POLR3D: variants seen among roughly 807,000 people sequenced by gnomAD.
The protein encoded by POLR3D is RNA polymerase III subunit D, also known as DNA-directed RNA polymerase III subunit RPC4.
Under a neutral mutation model 44.5 loss-of-function variants are expected in POLR3D, and 42 were observed. That is an observed-to-expected ratio of 0.94 (90% CI 0.74 to 1.22). The LOEUF (loss-of-function observed/expected upper bound fraction) is 1.22. POLR3D is among the 50% of genes most tolerant of loss of function. The pLI, the probability that POLR3D is intolerant of heterozygous loss-of-function variation, is 0.00. For synonymous variants in POLR3D, 217 were observed against 198.1 expected, an observed-to-expected ratio of 1.10 and a Z score of -0.80; for missense variants, 507 against 505.2, an observed-to-expected ratio of 1.00 and a Z score of -0.03.
Position 22,250,928 on chromosome 8 carries a change from G to C in POLR3D, c.*410G>C, listed in dbSNP as rs1425217299. 12 of 224,954 alleles carry C rather than the reference G, an allele frequency of 5.3e-5. No homozygotes were observed. Among genetic ancestry groups the C allele is most frequent in the Non-Finnish European group, 9.2e-5 (10 of 109,110 alleles). The allele number at this position is 224,954 out of a possible 1,614,324, so 13.9% of individuals were successfully genotyped here. On this transcript the variant is annotated 3_prime_UTR_variant, in exon 9 of 9. Transcript: ENST00000306433. Reference sequence around the variant, plus strand: ...CCCCCGTCCTCCTGGAGGCAGTATAGGAGAGAGAGCAAGGATTGAGTCTGA... The same window carrying C: ...CCCCCGTCCTCCTGGAGGCAGTATACGAGAGAGAGCAAGGATTGAGTCTGA...
In POLR3D at chr8:22,250,650, C is replaced by G. The variant is rs1830097583; in HGVS notation, c.*132C>G. ...ACTCCAGCCTTTGGCAACCATTGTT[C>G]CAGGTCCCCCAGGGCTTCCTCCCAC... On this transcript the variant is annotated 3_prime_UTR_variant, in exon 9 of 9. Coordinates refer to ENST00000306433, the MANE Select transcript of POLR3D (RefSeq NM_001722.3). 2 of 1,076,218 alleles carry G rather than the reference C, an allele frequency of 1.9e-6. No individual in the cohort carries two copies. The highest frequency in any genetic ancestry group is 1.5e-5 in the African/African-American group (1 of 64,692). The allele number at this position is 1,076,218 out of a possible 1,614,324, so 66.7% of individuals were successfully genotyped here.
intron 2 of POLR3D, 41 bp downstream of exon 2, chr8:22,245,655 A>G (rs1379693117): frequency 1.6e-6 from 2 of 1,222,090 alleles, no homozygotes; most frequent in African/African-American, 3.1e-5. Context: ...AACTACCTTG[A>G]ATTCCAAGCC....
In POLR3D at chr8:22,248,157, A is replaced by C; in HGVS notation, c.365A>C (p.Asn122Thr). 6.2e-7 allele frequency: 1 copy of C among 1,614,102 alleles called. No individual in the cohort carries two copies. The highest frequency in any genetic ancestry group is 8.5e-7 in the Non-Finnish European group (1 of 1,179,990). The change falls in exon 5 of 9, where the codon AAC becomes ACC. Residue 122 changes from asparagine (N) to threonine (T), a missense_variant. Physicochemically the swap from Asn to Thr is moderately conservative, Grantham distance 65. Coordinates refer to ENST00000306433, the MANE Select transcript of POLR3D (RefSeq NM_001722.3). ...TGACCTGGGTGATTTCCCACAGGGA[A>C]CTGGGATAAGACAGTGGATGTGTCA... Reference protein sequence around the residue: ...GPAEMMKKKGNWDKTVDVSDM... With the variant: ...GPAEMMKKKGTWDKTVDVSDM...
chr8:22,245,366 C>G (rs1407857494), intron 1 of POLR3D, 79 bp from the exon 2 acceptor site: 1 of 1,131,076 alleles, frequency 8.8e-7, no homozygotes, highest in Non-Finnish European at 1.1e-6. Context: ...ACTGGGGGAC[C>G]GGAAAGCAAG....
chr8:22,246,055 G>A lies in POLR3D; in HGVS notation c.165+441G>A, dbSNP rs116712236. Among the ~76,000 whole-genome samples the A allele has an allele frequency of 4.8e-3, 728 of 152,332 alleles. 3 individuals carry two copies. The highest frequency in any genetic ancestry group is 0.017 in the African/African-American group (694 of 41,554). On this transcript the variant is annotated intron_variant, in intron 2 of 8. Transcript: ENST00000306433. ...TCTGTGGCCTCTCCCATGTGTATAT[G>A]ACTGTGGATGTCAAGAGTAGCCCAG...
chr8:22,249,343 C>T (rs1355371685), intron 7 of POLR3D, 34 bp downstream of exon 7: 5 of 1,603,926 alleles, frequency 3.1e-6, no homozygotes, highest in South Asian at 1.1e-5. Flanking sequence ...GGAATCAAGT[C>T]GGGGACTGGG....
At chr8:22,247,125 T>C in intron 2 of POLR3D, 96 bp from the exon 3 acceptor site, 1 of 840,378 alleles carries the variant, frequency 1.2e-6, no homozygotes, top group South Asian at 1.5e-5. Flanking sequence ...CGTGGTGGCC[T>C]TGGTCTGTAG....
chr8:22,246,439 G>A (rs4598250), intron 2 of POLR3D, among the ~76,000 whole-genome samples: 98,223 of 151,250 alleles, frequency 0.65, 33,651 homozygotes, highest in East Asian at 0.87. Context: ...CGAATAAAGC[G>A]GTTTTTTGGT....
In POLR3D at chr8:22,253,672, T is replaced by TTTGTA. The variant is rs1284017201; in HGVS notation, c.*3158_*3159insATTGT. On this transcript the variant is annotated 3_prime_UTR_variant, in exon 9 of 9. Transcript: ENST00000306433. Reference sequence around the variant, plus strand: ...TCAGCAGGTACATGAGCATGTTAGTTTTGTTTTGTTTTGTTTTGTTCTGTT... The same window carrying TTTGTA: ...TCAGCAGGTACATGAGCATGTTAGTTTTGTATTGTTTTGTTTTGTTTTGTTCTGTT... 6.6e-6 allele frequency: 1 copy of TTTGTA among 152,068 alleles called. No individual in the cohort carries two copies. The highest frequency in any genetic ancestry group is 1.5e-5 in the Non-Finnish European group (1 of 68,004). 9.4% of individuals were successfully genotyped at this position (152,068 alleles called of 1,614,324 possible).
rs1830078066 is a variant in POLR3D at position 22,249,452 on chromosome 8, G to A, written c.921+143G>A. On this transcript the variant is annotated intron_variant, in intron 7 of 8. Transcript: ENST00000306433. ...ATTCTTGACGCCTGCAAGAGCCATG[G>A]GGCTTTGTACCTCCAACCCCAATTG... is the stretch of plus-strand genomic sequence containing the variant. The A allele has an allele frequency of 2.1e-5, 17 of 818,990 alleles. No homozygotes were observed. In the South Asian group the frequency reaches 2.9e-4, roughly 14 times the overall value. The allele number at this position is 818,990 out of a possible 1,614,324, so 50.7% of individuals were successfully genotyped here.
intron 1 of POLR3D, 130 bp from the exon 2 acceptor site, chr8:22,245,315 T>G: frequency 1.6e-6 from 1 of 606,458 alleles, no homozygotes; most frequent in Non-Finnish European, 2.6e-6. Flanking sequence ...TCTCGCCACG[T>G]GGGAGGGGAG....
At position 22,250,383 on chromosome 8, in the gene POLR3D, T is replaced by C. The variant is rs1309020250; in HGVS notation, c.1075-13T>C. ...TGGTGGTGGTTCTCATCACTGTCTCTGTTAATTGGCAGGAGCTGGTGTCCG... is the reference window on the plus strand; with the variant it reads ...TGGTGGTGGTTCTCATCACTGTCTCCGTTAATTGGCAGGAGCTGGTGTCCG... On this transcript the variant is annotated splice_polypyrimidine_tract_variant and intron_variant, in intron 8 of 8. Coordinates refer to ENST00000306433, the MANE Select transcript of POLR3D (RefSeq NM_001722.3). 6.2e-7 allele frequency: 1 copy of C among 1,614,130 alleles called. No homozygotes were observed. Among genetic ancestry groups the C allele is most frequent in the South Asian group, 1.1e-5 (1 of 91,084 alleles).
Position 22,250,434 on chromosome 8 carries a change from G to A in POLR3D, c.1113G>A (p.Gly371=). 1 of 1,614,128 alleles carries A rather than the reference G, an allele frequency of 6.2e-7. No individual in the cohort carries two copies. The highest frequency in any genetic ancestry group is 8.5e-7 in the Non-Finnish European group (1 of 1,179,968). The change falls in exon 9 of 9, where the codon GGG becomes GGA. Residue 371 remains glycine, a synonymous_variant. Transcript: ENST00000306433. The stretch of plus-strand genomic sequence containing the variant: ...TGGGCCTTGGAGACAGTAGGACAGG[G>A]GAGATGACAGTCCTGGGACACGTGA... The part of the protein sequence containing the change: ...VSVGLGDSRT[G]EMTVLGHVKH...
rs368318403 is a variant in POLR3D at position 22,248,027 on chromosome 8, T to G, written c.361+19T>G. ...AAAAAAGGTATAAGGAAGGAATCAG[T>G]GAATTTCAGTTCAGACTGCCCCAGA... On this transcript the variant is annotated intron_variant, in intron 4 of 8. Coordinates refer to ENST00000306433, the MANE Select transcript of POLR3D (RefSeq NM_001722.3). The G allele has an allele frequency of 2.9e-5, 47 of 1,610,822 alleles. No homozygotes were observed. Among genetic ancestry groups the G allele is most frequent in the Non-Finnish European group, 3.7e-5 (44 of 1,177,694 alleles).
chr8:22,245,689 T>C (rs1321430425), intron 2 of POLR3D, 75 bp downstream of exon 2: 1 of 1,049,192 alleles, frequency 9.5e-7, no homozygotes. Flanking sequence ...AATGTTTGTG[T>C]AGGACCTACT....
In POLR3D at chr8:22,248,584, A is replaced by T. The variant is rs139364694; in HGVS notation, c.590A>T (p.Asp197Val). 3.1e-6 allele frequency: 5 copies of T among 1,614,132 alleles called. No homozygotes were observed. Among genetic ancestry groups the T allele is most frequent in the Non-Finnish European group, 3.4e-6 (4 of 1,180,030 alleles). The change falls in exon 6 of 9, where the codon GAT (aspartate) becomes GTT (valine). Residue 197 changes from aspartate (D) to valine (V), a missense_variant. Coordinates refer to ENST00000306433, the MANE Select transcript of POLR3D (RefSeq NM_001722.3). ...WLFKEENDEP[D>V]VKPWLAGPKE... The stretch of plus-strand genomic sequence containing the variant: ...TTTAAGGAAGAAAATGACGAACCAG[A>T]TGTTAAACCTTGGCTGGCTGGCCCC...
At position 22,248,220 on chromosome 8, in the gene POLR3D, A is replaced by G; in HGVS notation, c.428A>G (p.Glu143Gly). The stretch of plus-strand genomic sequence containing the variant: ...TCTCATATCATCAACATCAAAAAAG[A>G]GAAGAGAGAGACAGACGAAGAAACT... Reference protein sequence around the residue: ...GPSHIINIKKEKRETDEETKQ... With the variant: ...GPSHIINIKKGKRETDEETKQ... Residue 143 changes from glutamate (E) to glycine (G), a missense_variant, in exon 5 of 9, where the codon GAG becomes GGG. Glu to Gly is a moderately conservative substitution (Grantham distance 98, BLOSUM62 -2). Coordinates refer to ENST00000306433, the MANE Select transcript of POLR3D (RefSeq NM_001722.3). The G allele has an allele frequency of 6.2e-7, 1 of 1,614,204 alleles. No individual in the cohort carries two copies. The highest frequency in any genetic ancestry group is 2.2e-5 in the East Asian group (1 of 44,882).
intron 2 of POLR3D, among the ~76,000 whole-genome samples, chr8:22,246,115 C>T (rs1241979469): frequency 6.7e-6 from 1 of 148,288 alleles, no homozygotes; most frequent in Non-Finnish European, 1.5e-5. Flanking sequence ...AAGAACAAAG[C>T]AGGTTTTGGT....
At chr8:22,249,470 C>G (rs146514654) in intron 7 of POLR3D, among the ~76,000 whole-genome samples, 161 bp downstream of exon 7, 1 of 152,274 alleles carries the variant, frequency 6.6e-6, no homozygotes, top group Non-Finnish European at 1.5e-5. Context: ...TACCTCCAAC[C>G]CCAATTGTGT....
Sources: gnomAD v4.1 joint callset for allele counts (sites outside exome capture counted in the v4.1 genomes callset) on GRCh38, gnomAD v4.1.1 for gene constraint, MANE v1.5 for transcripts, NCBI Gene and HGNC (gene_info 2026-07-23, HGNC 2026-07-21) for gene names.